The following TMEM114 variants were observed in gnomAD, a reference collection of about 807,000 sequenced individuals.
TMEM114 encodes the protein claudin-26.
In TMEM114, 6 loss-of-function variants were observed where a neutral mutation model predicts 6.2. The observed-to-expected ratio is 0.97, with a 90% CI of 0.53 to 1.91. The LOEUF (loss-of-function observed/expected upper bound fraction) is 1.91, where lower values mean the gene tolerates loss of function less well. TMEM114 is among the 40% of genes most tolerant of loss of function. The probability of loss-of-function intolerance (pLI) is 0.01; values close to 1 mark genes in which losing one functional copy is unlikely to be tolerated. For synonymous variants in TMEM114, 104 were observed against 73.0 expected, an observed-to-expected ratio of 1.42 and a Z score of -2.16; for missense variants, 218 against 158.3, an observed-to-expected ratio of 1.38 and a Z score of -2.02.
intron 2 of TMEM114, among the ~76,000 whole-genome samples, chr16:8,562,142 G>C (rs1329356161): frequency 1.3e-5 from 2 of 151,772 alleles, no homozygotes; most frequent in African/African-American, 2.4e-5. Context: ...GTGAATGAGT[G>C]AGTTAGTGAA....
At chr16:8,565,344 G>C (rs1482585330), downstream of TMEM114, among the ~76,000 whole-genome samples, 1 of 152,172 alleles carries the variant, frequency 6.6e-6, no homozygotes, top group African/African-American at 2.4e-5. Context: ...GGATGGGTGG[G>C]TGGCAAGTGA....
Position 8,555,668 on chromosome 16 carries a change from C to T in TMEM114, n.213-17842G>A, listed in dbSNP as rs542818286. Among the ~76,000 whole-genome samples, 8 of 152,298 alleles carry T rather than the reference C, an allele frequency of 5.3e-5. No individual in the cohort carries two copies. In the South Asian group the frequency reaches 6.2e-4, roughly 12 times the overall value. On this transcript the variant is annotated intron_variant and non_coding_transcript_variant, in intron 2 of 2. Coordinates refer to the TMEM114 transcript ENST00000623677. ...TATTGTTTTCACGTCGATGACTCCC[C>T]ATGCATCTGACCAGGTAATTCTCAA...
At chr16:8,579,662 C>G (rs549888042) in intron 2 of TMEM114, among the ~76,000 whole-genome samples, 1 of 152,142 alleles carries the variant, frequency 6.6e-6, no homozygotes, top group Non-Finnish European at 1.5e-5. Context: ...TGGACTCTGA[C>G]CTTGCAGAGT....
At chr16:8,536,258 A>G (rs1469887564), downstream of TMEM114, among the ~76,000 whole-genome samples, 2 of 151,864 alleles carry the variant, frequency 1.3e-5, no homozygotes, top group African/African-American at 4.8e-5. Context: ...GTTGAAACAC[A>G]TCCTGAATCC....
the TMEM114 span, among the ~76,000 whole-genome samples, chr16:8,530,772 C>G: frequency 2.4e-4 from 37 of 152,098 alleles, 1 homozygote; most frequent in South Asian, 5.4e-3. Context: ...GCTCATAACC[C>G]CAGCACTTTG....
intron 2 of TMEM114, among the ~76,000 whole-genome samples, chr16:8,574,211 A>G (rs1901837345): frequency 6.6e-6 from 1 of 152,188 alleles, no homozygotes; most frequent in African/African-American, 2.4e-5. Context: ...CAGAACCTCC[A>G]TTTCCACTTC....
chr16:8,532,690 C>T (rs2030986), downstream of TMEM114, among the ~76,000 whole-genome samples: 4 of 151,888 alleles, frequency 2.6e-5, no homozygotes, highest in African/African-American at 4.8e-5. Flanking sequence ...TTTGGGAGGC[C>T]GAGGCGGGCG....
intron 2 of TMEM114, among the ~76,000 whole-genome samples, chr16:8,575,577 C>T (rs889801033): frequency 1.3e-5 from 2 of 152,202 alleles, no homozygotes; most frequent in African/African-American, 4.8e-5. Context: ...GCCACCTATG[C>T]TCACCAGGGT....
intron 2 of TMEM114, among the ~76,000 whole-genome samples, chr16:8,546,430 A>G (rs371324385): frequency 1.3e-5 from 2 of 152,160 alleles, no homozygotes; most frequent in South Asian, 2.1e-4. Context: ...GACTCTATAT[A>G]AAGATGAACC....
chr16:8,589,748 A>T lies in TMEM114; in HGVS notation c.91T>A (p.Phe31Ile). The T allele has an allele frequency of 2.5e-6, 1 of 398,502 alleles. No individual in the cohort carries two copies. The highest frequency in any genetic ancestry group is 4.4e-6 in the Non-Finnish European group (1 of 226,034). 24.7% of individuals were successfully genotyped at this position (398,502 alleles called of 1,614,324 possible). A position where few individuals can be genotyped will look rare whatever the true frequency, so the allele number is the denominator to read the frequency against. The stretch of plus-strand genomic sequence containing the variant: ...CGCTCGGTGTCAATGATATACCAGA[A>T]GTCCGTGCCGATGGCGGCCGCCAGG... ...VLLAAAIGTD[F>I]WYIIDTERLE... The change falls in exon 1 of 4, where the codon TTC becomes ATC. Residue 31 changes from phenylalanine (F) to isoleucine (I), a missense_variant. Coordinates refer to ENST00000620492, the MANE Select transcript of TMEM114 (RefSeq NM_001146336.2).
downstream of TMEM114, among the ~76,000 whole-genome samples, chr16:8,532,793 G>A (rs1260579199): frequency 4.0e-5 from 6 of 151,834 alleles, no homozygotes; most frequent in Non-Finnish European, 8.8e-5. Flanking sequence ...GCATAGTGGC[G>A]GGCGCCTGTA....
chr16:8,561,075 C>G (rs905986339), intron 2 of TMEM114, among the ~76,000 whole-genome samples: 5 of 152,212 alleles, frequency 3.3e-5, no homozygotes, highest in Non-Finnish European at 7.3e-5. Context: ...ATGGGGGAAA[C>G]TGCTCCCATG....
intron 2 of TMEM114, among the ~76,000 whole-genome samples, chr16:8,583,774 C>T (rs1334613002): frequency 9.2e-5 from 14 of 151,916 alleles, no homozygotes; most frequent in Admixed American, 9.2e-4. Flanking sequence ...ACACAGCTAG[C>T]AAGAAGGCCA....
chr16:8,572,673 C>T (rs900031811), intron 2 of TMEM114, among the ~76,000 whole-genome samples: 12 of 152,164 alleles, frequency 7.9e-5, no homozygotes, highest in African/African-American at 2.7e-4. Context: ...TGGGCCCAAG[C>T]GATCCTCCTG....
In TMEM114 at chr16:8,589,283, C is replaced by G. The variant is rs1474587092; in HGVS notation, c.231G>C (p.Pro77=). The G allele has an allele frequency of 1.8e-5, 7 of 398,706 alleles. No homozygotes were observed. Among genetic ancestry groups the G allele is most frequent in the Non-Finnish European group, 3.1e-5 (7 of 226,228 alleles). 24.7% of individuals were successfully genotyped at this position (398,706 alleles called of 1,614,324 possible). A position where few individuals can be genotyped will look rare whatever the true frequency, so the allele number is the denominator to read the frequency against. Residue 77 remains proline, a synonymous_variant, in exon 2 of 4, where the codon CCG becomes CCC. Coordinates refer to ENST00000620492, the MANE Select transcript of TMEM114 (RefSeq NM_001146336.2). ...GLWRTCRVQS[P]CTPLMNPFRL... is the part of the protein sequence containing the mutation. ...TGAAGGGGTTCATCAGCGGTGTGCA[C>G]GGGCTCTGCACTGGATAGGACGGAG...
At chr16:8,570,091 T>A (rs1901681780) in intron 3 of TMEM114, 86 bp from the exon 4 acceptor site, 1 of 1,475,790 alleles carries the variant, frequency 6.8e-7, no homozygotes, top group African/African-American at 1.4e-5. Flanking sequence ...CCAGCCACGC[T>A]GCTCAGCGTC....
intron 2 of TMEM114, among the ~76,000 whole-genome samples, chr16:8,579,354 C>A (rs1412409986): frequency 1.3e-5 from 2 of 152,188 alleles, no homozygotes; most frequent in African/African-American, 4.8e-5. Flanking sequence ...AATTTCACCA[C>A]CTTTATTTCC....
At chr16:8,538,218 T>C (rs1289268673) in intron 2 of TMEM114, among the ~76,000 whole-genome samples, 1 of 148,532 alleles carries the variant, frequency 6.7e-6, no homozygotes, top group Non-Finnish European at 1.5e-5. Flanking sequence ...AGTAGGAGGA[T>C]CACTGGAGCC....
chr16:8,580,627 A>G (rs866852945), intron 2 of TMEM114, among the ~76,000 whole-genome samples: 3 of 152,136 alleles, frequency 2.0e-5, no homozygotes, highest in Non-Finnish European at 2.9e-5. Flanking sequence ...TTGTCCATAT[A>G]TTTATAATTT....
Sources: allele counts gnomAD v4.1 joint callset (sites outside exome capture counted in the v4.1 genomes callset), GRCh38; gene constraint gnomAD v4.1.1; transcripts MANE v1.5; gene names NCBI Gene and HGNC (gene_info 2026-07-23, HGNC 2026-07-21).